The following GLB1L3 variants were observed in gnomAD, a reference collection of about 807,000 sequenced individuals.
GLB1L3 encodes the protein galactosidase beta 1 like 3.
GLB1L3 carries 89 observed loss-of-function variants against 89.5 expected under a neutral mutation model. The ratio of observed to expected loss-of-function variants is 0.99; its 90% confidence interval spans 0.84 to 1.19. GLB1L3 has a LOEUF of 1.19. Ranked by LOEUF, GLB1L3 falls within the 50% of genes most tolerant of loss-of-function variation. The pLI is 0.00. For missense variants in GLB1L3, 812 were observed against 813.3 expected (o/e 1.00, Z 0.02); for synonymous variants, 314 against 312.3 (o/e 1.01, Z -0.06).
At chr11:134,309,841 C>G in intron 11 of GLB1L3, 78 bp downstream of exon 11, 1 of 1,488,762 alleles carries the variant, frequency 6.7e-7, no homozygotes, top group Non-Finnish European at 9.2e-7. Flanking sequence ...GAAGCCTGTT[C>G]TGGCACCACT....
At position 134,317,789 on chromosome 11, in the gene GLB1L3, A is replaced by G. The variant is rs570183423; in HGVS notation, c.1780-842A>G. On this transcript the variant is annotated intron_variant, in intron 18 of 19. Transcript: ENST00000431683. ...AATTTCCCGCTATGGTTGTAAATTTATTTATTTCTCTTCTGTCAATTTCGC... is the reference window on the plus strand; with the variant it reads ...AATTTCCCGCTATGGTTGTAAATTTGTTTATTTCTCTTCTGTCAATTTCGC... Among the ~76,000 whole-genome samples the G allele has an allele frequency of 2.3e-3, 344 of 152,074 alleles. 1 individual carries two copies. The highest frequency in any genetic ancestry group is 8.0e-3 in the African/African-American group (331 of 41,450).
At chr11:134,293,231 G>T in intron 9 of GLB1L3, 22 bp downstream of exon 9, 1 of 1,589,404 alleles carries the variant, frequency 6.3e-7, no homozygotes, top group Non-Finnish European at 8.6e-7. Context: ...CAGACAGGCA[G>T]GGTTTTACAG....
intron 9 of GLB1L3, among the ~76,000 whole-genome samples, chr11:134,305,597 G>T (rs755931285): frequency 4.6e-5 from 7 of 151,944 alleles, no homozygotes; most frequent in Admixed American, 6.6e-5. Flanking sequence ...CTTTCCTCTT[G>T]AATACAAATG....
At chr11:134,279,618 G>A (rs1006557903) in intron 3 of GLB1L3, among the ~76,000 whole-genome samples, 9 of 151,918 alleles carry the variant, frequency 5.9e-5, no homozygotes, top group Admixed American at 3.3e-4. Flanking sequence ...CGCCTGCCTC[G>A]GCCTCCCAAA....
chr11:134,286,899 A>G lies in GLB1L3; in HGVS notation c.637-1899A>G, dbSNP rs996049279. Among the ~76,000 whole-genome samples, 191 of 149,664 alleles carry G rather than the reference A, an allele frequency of 1.3e-3. 1 individual carries two copies. The highest frequency in any genetic ancestry group is 4.3e-3 in the African/African-American group (175 of 40,710). ...GTCCAGGCTGGGAGCTGTGGCTCAC[A>G]CCTGTAATTCCAGCACTTTGGGAGG... On this transcript the variant is annotated intron_variant, in intron 6 of 19. Transcript: ENST00000431683.
intron 5 of GLB1L3, among the ~76,000 whole-genome samples, chr11:134,282,402 G>C (rs1453650499): frequency 6.6e-6 from 1 of 152,072 alleles, no homozygotes; most frequent in Non-Finnish European, 1.5e-5. Context: ...TGCGCGGGGA[G>C]AGGTGGCCAC....
chr11:134,308,190 TCACCATCAC>T (rs1942310875), intron 10 of GLB1L3, among the ~76,000 whole-genome samples: 10 of 79,142 alleles, frequency 1.3e-4, no homozygotes, highest in South Asian at 1.1e-3. Context: ...ATCACCATCA[TCACCATCAC>T]CACTACCACC....
intron 9 of GLB1L3, among the ~76,000 whole-genome samples, chr11:134,306,567 G>A (rs193277331): frequency 1.3e-5 from 2 of 152,318 alleles, no homozygotes; most frequent in Admixed American, 6.5e-5. Context: ...CTCCAGGAGT[G>A]CAGCTGAAAA....
At chr11:134,285,075 CCCA>C (rs1458137294) in intron 6 of GLB1L3, among the ~76,000 whole-genome samples, 1 of 151,772 alleles carries the variant, frequency 6.6e-6, no homozygotes, top group Non-Finnish European at 1.5e-5. Flanking sequence ...ACTACAGGTG[CCCA>C]CCACCATGCC....
At chr11:134,294,184 A>G (rs1941510941) in intron 9 of GLB1L3, among the ~76,000 whole-genome samples, 2 of 151,856 alleles carry the variant, frequency 1.3e-5, no homozygotes, top group East Asian at 1.9e-4. Flanking sequence ...CTCCTGCCTC[A>G]GCCTCCCGGG....
At chr11:134,291,145 A>G (rs548171834) in intron 7 of GLB1L3, among the ~76,000 whole-genome samples, 18 of 152,226 alleles carry the variant, frequency 1.2e-4, no homozygotes, top group Non-Finnish European at 2.1e-4. Flanking sequence ...TTCCTCATAT[A>G]GTCGGCCCTC....
chr11:134,300,794 C>T lies in GLB1L3; in HGVS notation c.877-6330C>T, dbSNP rs566335357. Among the ~76,000 whole-genome samples the T allele has an allele frequency of 1.1e-4, 16 of 152,268 alleles. No individual in the cohort carries two copies. The South Asian group carries it at 1.9e-3, about 18-fold the overall frequency. On this transcript the variant is annotated intron_variant, in intron 9 of 19. Coordinates refer to ENST00000431683, the MANE Select transcript of GLB1L3 (RefSeq NM_001080407.3). ...AAATTTCCTCTTCTTATGAGGACCC[C>T]GGTGACATGGGATTAAGACCCACAC...
Position 134,277,695 on chromosome 11 carries a change from T to C in GLB1L3, c.150-5T>C. The C allele has an allele frequency of 1.2e-6, 2 of 1,601,874 alleles. No homozygotes were observed. Among genetic ancestry groups the C allele is most frequent in the Non-Finnish European group, 8.5e-7 (1 of 1,173,936 alleles). On this transcript the variant is annotated splice_polypyrimidine_tract_variant and splice_region_variant and intron_variant, in intron 2 of 19. Coordinates refer to ENST00000431683, the MANE Select transcript of GLB1L3 (RefSeq NM_001080407.3). Reference sequence around the variant, plus strand: ...CACTTTCTTTCCCTCGCCCGCCCCCTCCAGGTTTAATTGGTCTCATCTGAC... The same window carrying C: ...CACTTTCTTTCCCTCGCCCGCCCCCCCCAGGTTTAATTGGTCTCATCTGAC...
intron 8 of GLB1L3, 50 bp from the exon 9 acceptor site, chr11:134,293,095 T>A (rs776713520): frequency 6.6e-6 from 10 of 1,512,984 alleles, no homozygotes; most frequent in Admixed American, 1.7e-5. Context: ...TTCCCTTCCC[T>A]GACAGCACTT....
chr11:134,323,898 T>C (rs1393742487), downstream of GLB1L3, among the ~76,000 whole-genome samples: 1 of 152,212 alleles, frequency 6.6e-6, no homozygotes, highest in Non-Finnish European at 1.5e-5. Context: ...AAAATCTTTT[T>C]TATGTCGTGT....
In GLB1L3 at chr11:134,313,965, A is replaced by C. The variant is rs1344096160; in HGVS notation, c.1604A>C (p.Asn535Thr). Residue 535 changes from asparagine (N) to threonine (T), a missense_variant, in exon 17 of 20, where the codon AAT (asparagine) becomes ACT (threonine). By Grantham distance (65) the Asn-to-Thr change is moderately conservative. Coordinates refer to ENST00000431683, the MANE Select transcript of GLB1L3 (RefSeq NM_001080407.3). ...QKGITGSVSINNSSLEGFTIY... is the reference protein window; with the variant it reads ...QKGITGSVSITNSSLEGFTIY... ...GGAATAACTGGATCTGTCAGCATCA[A>C]TAACTCTTCCCTGGAGGGCTTTACC... The C allele has an allele frequency of 1.2e-6, 2 of 1,612,512 alleles. No homozygotes were observed. Among genetic ancestry groups the C allele is most frequent in the South Asian group, 1.1e-5 (1 of 90,862 alleles).
Position 134,312,474 on chromosome 11 carries a change from T to A in GLB1L3, c.1413T>A (p.Ala471=). ...CCGGAGGCCGCCTCCGTGCCCACGC[T>A]CATGACGTGGCACAGGTAGGGCCAG... ...ICSGGRLRAH[A]HDVAQVFLDE... The change falls in exon 14 of 20, where the codon GCT becomes GCA. Residue 471 remains alanine (A), a synonymous_variant. Coordinates refer to ENST00000431683, the MANE Select transcript of GLB1L3 (RefSeq NM_001080407.3). The A allele has an allele frequency of 6.2e-7, 1 of 1,612,680 alleles. No individual in the cohort carries two copies. Among genetic ancestry groups the A allele is most frequent in the Non-Finnish European group, 8.5e-7 (1 of 1,179,868 alleles).
intron 6 of GLB1L3, 122 bp from the exon 7 acceptor site, chr11:134,288,676 C>A: frequency 1.5e-6 from 1 of 651,064 alleles, no homozygotes; most frequent in Admixed American, 2.9e-5. Context: ...GCGTGCAGAC[C>A]ACAGGGGCCG....
intron 10 of GLB1L3, among the ~76,000 whole-genome samples, chr11:134,308,475 TACCACCACCACCATCACCACCAAATACC>T (rs1320645612): frequency 0.2 from 3,918 of 19,764 alleles, 545 homozygotes; most frequent in African/African-American, 0.28. Context: ...CACCACCAAA[TACCACCACCACCATCACCACCAAATACC>T]ACCACCACCA....
Sources: gnomAD v4.1 joint callset for allele counts (sites outside exome capture counted in the v4.1 genomes callset) on GRCh38, gnomAD v4.1.1 for gene constraint, MANE v1.5 for transcripts, NCBI Gene and HGNC (gene_info 2026-07-23, HGNC 2026-07-21) for gene names.